The following MECOM variants were observed in gnomAD, a reference collection of about 807,000 sequenced individuals.
MECOM encodes histone-lysine N-methyltransferase MECOM.
MECOM carries 13 observed loss-of-function variants against 116.3 expected under a neutral mutation model. The ratio of observed to expected loss-of-function variants is 0.11; its 90% CI spans 0.07 to 0.18. The LOEUF is 0.18. MECOM is among the 10% of genes least tolerant of loss of function. The pLI, the probability that MECOM is intolerant of heterozygous loss-of-function variation, is 1.00. For missense variants in MECOM, 1,299 were observed against 1,509.0 expected, an observed-to-expected ratio of 0.86 and a Z score of 2.31; for synonymous variants, 528 against 535.2, an observed-to-expected ratio of 0.99 and a Z score of 0.19.
intron 2 of MECOM, among the ~76,000 whole-genome samples, chr3:169,354,548 C>T (rs1304161357): frequency 1.3e-5 from 2 of 151,796 alleles, no homozygotes; most frequent in African/African-American, 2.4e-5. Context: ...TCGTATTACC[C>T]ATAGGTTAAA....
intron 1 of MECOM, among the ~76,000 whole-genome samples, chr3:169,417,152 C>T (rs1449622272): frequency 1.3e-5 from 2 of 151,300 alleles, no homozygotes; most frequent in Non-Finnish European, 2.9e-5. Flanking sequence ...AAAGAAACTA[C>T]CATCAGAGTG....
At chr3:169,412,039 ACTTTGGGAGG>A (rs1737642982) in intron 1 of MECOM, among the ~76,000 whole-genome samples, 1 of 152,032 alleles carries the variant, frequency 6.6e-6, no homozygotes, top group South Asian at 2.1e-4. Context: ...TAATCCCAGC[ACTTTGGGAGG>A]CCAAGGCAGG....
intron 2 of MECOM, among the ~76,000 whole-genome samples, chr3:169,294,834 G>A (rs930338802): frequency 3.9e-5 from 6 of 152,052 alleles, no homozygotes; most frequent in Non-Finnish European, 7.4e-5. Context: ...AGCTTGGTCT[G>A]CTTGGACAGA....
rs190949744 is a variant in MECOM, at chr3:169,350,138, T to C, written c.375+31049A>G. Among the ~76,000 whole-genome samples the C allele has an allele frequency of 3.3e-5, 5 of 152,146 alleles. No homozygotes were observed. In the East Asian group the frequency reaches 5.8e-4, roughly 18 times the overall value. On this transcript the variant is annotated intron_variant, in intron 2 of 16. Coordinates refer to ENST00000651503, the MANE Select transcript of MECOM (RefSeq NM_004991.4). ...TCTGAACAATTCCCTATTTTGTTTA[T>C]TTGGTTGTTAGTTGGTTTTGTGCTT...
At chr3:169,554,763 C>T (rs1761836481) in intron 1 of MECOM, among the ~76,000 whole-genome samples, 1 of 152,172 alleles carries the variant, frequency 6.6e-6, no homozygotes, top group African/African-American at 2.4e-5. Context: ...TAACAGGGCA[C>T]CAAGGAGCAG....
chr3:169,257,898 C>T (rs1028072933), intron 2 of MECOM, among the ~76,000 whole-genome samples: 1 of 152,104 alleles, frequency 6.6e-6, no homozygotes, highest in South Asian at 2.1e-4. Context: ...AGCAGTGTAA[C>T]CCCCAAATAC....
chr3:169,173,412 T>C (rs755273562), intron 2 of MECOM, among the ~76,000 whole-genome samples: 1 of 152,070 alleles, frequency 6.6e-6, no homozygotes, highest in Non-Finnish European at 1.5e-5. Flanking sequence ...TGCTGGTAAT[T>C]CCCTGACAAT....
At chr3:169,183,393 A>T (rs951806441) in intron 2 of MECOM, among the ~76,000 whole-genome samples, 1 of 152,206 alleles carries the variant, frequency 6.6e-6, no homozygotes, top group Non-Finnish European at 1.5e-5. Flanking sequence ...AATCTAATGC[A>T]CACTTTACTA....
chr3:169,372,570 C>A (rs985907876), intron 2 of MECOM, among the ~76,000 whole-genome samples: 3 of 151,916 alleles, frequency 2.0e-5, no homozygotes, highest in African/African-American at 7.2e-5. Flanking sequence ...GATAACTGAA[C>A]TTCTAGGAAA....
chr3:169,433,675 AAGAAAGAAAGAAAGAG>A (rs1742116828), intron 1 of MECOM, among the ~76,000 whole-genome samples: 1 of 147,938 alleles, frequency 6.8e-6, no homozygotes, highest in Non-Finnish European at 1.5e-5. Context: ...GAAAGAAAGA[AAGAAAGAAAGAAAGAG>A]AAAGAAAGAA....
At chr3:169,366,657 G>A (rs1729216064) in intron 2 of MECOM, among the ~76,000 whole-genome samples, 1 of 151,946 alleles carries the variant, frequency 6.6e-6, no homozygotes, top group South Asian at 2.1e-4. Flanking sequence ...TTCTATGCTG[G>A]CATCACACAC....
At chr3:169,305,832 G>A (rs904074919) in intron 2 of MECOM, among the ~76,000 whole-genome samples, 2 of 151,632 alleles carry the variant, frequency 1.3e-5, no homozygotes, top group East Asian at 3.9e-4. Context: ...TAACAAAGTT[G>A]TGTAAAGGTT....
intron 1 of MECOM, among the ~76,000 whole-genome samples, chr3:169,559,423 C>CA (rs952230128): frequency 1.2e-4 from 19 of 152,106 alleles, no homozygotes; most frequent in African/African-American, 4.1e-4. Context: ...TGCAAACTCA[C>CA]AAAAAATAAT....
At chr3:169,427,415 A>G (rs1050903941) in intron 1 of MECOM, among the ~76,000 whole-genome samples, 1 of 152,188 alleles carries the variant, frequency 6.6e-6, no homozygotes, top group Non-Finnish European at 1.5e-5. Context: ...CGATATTTTC[A>G]CACAAATTAA....
intron 1 of MECOM, among the ~76,000 whole-genome samples, chr3:169,465,290 T>A (rs1748102918): frequency 1.3e-5 from 2 of 152,218 alleles, no homozygotes; most frequent in African/African-American, 4.8e-5. Flanking sequence ...CTCTCTGTGC[T>A]TTTTGCACAT....
intron 2 of MECOM, among the ~76,000 whole-genome samples, chr3:169,334,514 C>T (rs1372893938): frequency 6.6e-6 from 1 of 152,074 alleles, no homozygotes; most frequent in Non-Finnish European, 1.5e-5. Context: ...TTTAAAACTC[C>T]TCAGGTGATT....
intron 1 of MECOM, among the ~76,000 whole-genome samples, chr3:169,420,416 A>G (rs1451751193): frequency 1.3e-5 from 2 of 152,142 alleles, no homozygotes; most frequent in Non-Finnish European, 2.9e-5. Flanking sequence ...GGTGTTCTCT[A>G]AGATTCCTTT....
At position 169,472,797 on chromosome 3, in the gene MECOM, T is replaced by C. The variant is rs2108802848; in HGVS notation, c.38-91273A>G. Among the ~76,000 whole-genome samples the C allele has an allele frequency of 2.0e-5, 3 of 152,144 alleles. No homozygotes were observed. The Middle Eastern group carries it at 0.01, about 517-fold the overall frequency. ...TAATATAAGCCTTAGTGTTCATTTT[T>C]TCAAATTGTTCAATTTATAGAAAAT... On this transcript the variant is annotated intron_variant, in intron 1 of 16. Transcript: ENST00000651503.
chr3:169,472,498 G>GA (rs1749467120), intron 1 of MECOM, among the ~76,000 whole-genome samples: 2 of 81,378 alleles, frequency 2.5e-5, no homozygotes, highest in African/African-American at 1.1e-4. Flanking sequence ...GAAAGGAAAG[G>GA]AAAGGAAAGG....
Sources: allele counts gnomAD v4.1 joint callset (sites outside exome capture counted in the v4.1 genomes callset), GRCh38; gene constraint gnomAD v4.1.1; transcripts MANE v1.5; gene names NCBI Gene and HGNC (gene_info 2026-07-23, HGNC 2026-07-21).